The following GPBP1L1 variants were observed in gnomAD, a reference collection of about 807,000 sequenced individuals.
GPBP1L1 encodes the protein GC-rich promoter binding protein 1 like 1.
A neutral mutation model predicts 52.5 loss-of-function variants in GPBP1L1; 23 were observed. The observed-to-expected ratio is 0.44, with a 90% CI of 0.32 to 0.62. The LOEUF is 0.62. Among genes scored for constraint, GPBP1L1 ranks in the 20% least tolerant of loss-of-function variants. The pLI, the probability that GPBP1L1 is intolerant of heterozygous loss-of-function variation, is 0.06. For missense variants in GPBP1L1, 596 were observed against 579.3 expected (o/e 1.03, Z -0.30); for synonymous variants, 243 against 203.1 (o/e 1.20, Z -1.67).
At chr1:45,648,314 ATAGT>A (rs1644777843) in intron 6 of GPBP1L1, among the ~76,000 whole-genome samples, 1 of 152,184 alleles carries the variant, frequency 6.6e-6, no homozygotes, top group Non-Finnish European at 1.5e-5. Context: ...CAATCTTGCT[ATAGT>A]TAAATTCCTT....
In GPBP1L1 at chr1:45,651,693, G is replaced by A. The variant is rs983168368; in HGVS notation, c.477+2850C>T. ...AAGCAGGTGAGGTCTCTTTTGGGCT[G>A]GGTGTCCTGTCCAATGCCAAAATTC... On this transcript the variant is annotated intron_variant, in intron 6 of 12. Coordinates refer to ENST00000355105, the MANE Select transcript of GPBP1L1 (RefSeq NM_021639.5). The A allele has an allele frequency of 4.3e-5, 25 of 586,118 alleles. No individual in the cohort carries two copies. The African/African-American group carries it at 4.8e-4, about 11-fold the overall frequency. The allele number at this position is 586,118 out of a possible 1,614,324, so 36.3% of individuals were successfully genotyped here.
chr1:45,645,768 G>GTTTT, intron 6 of GPBP1L1: 15 of 208,222 alleles, frequency 7.2e-5, no homozygotes, highest in South Asian at 1.4e-4. Context: ...GAAGTTTTTT[G>GTTTT]TTTTTTTTTT....
chr1:45,651,565 G>A, intron 6 of GPBP1L1: 1 of 606,026 alleles, frequency 1.7e-6, no homozygotes, highest in Non-Finnish European at 3.0e-6. Context: ...CTGTTTGGCA[G>A]CGCAAGGCCT....
intron 11 of GPBP1L1, 184 bp from the exon 12 acceptor site, chr1:45,629,862 C>A (rs1043746323): frequency 2.2e-6 from 1 of 462,944 alleles, no homozygotes; most frequent in Non-Finnish European, 4.1e-6. Context: ...TAAATGGAGG[C>A]TCTTCACAGT....
rs60301454 is a variant in GPBP1L1, at chr1:45,672,129, A to G, written c.-1097-10904T>C. Reference sequence around the variant, plus strand: ...TGTAATCCCAGCACTTTGGGAGGCCAAGGCAGGCAAATCACGAGGTCAGGA... The same window carrying G: ...TGTAATCCCAGCACTTTGGGAGGCCGAGGCAGGCAAATCACGAGGTCAGGA... On this transcript the variant is annotated intron_variant, in intron 2 of 12. Transcript: ENST00000355105. Among the ~76,000 whole-genome samples, 1,123 of 152,252 alleles carry G rather than the reference A, an allele frequency of 7.4e-3. 14 individuals carry two copies. Among genetic ancestry groups the G allele is most frequent in the African/African-American group, 0.026 (1,079 of 41,558 alleles).
chr1:45,647,573 A>G (rs1173329355), intron 6 of GPBP1L1, among the ~76,000 whole-genome samples: 4 of 152,150 alleles, frequency 2.6e-5, no homozygotes, highest in African/African-American at 9.7e-5. Context: ...AGCGGAGAAC[A>G]ATGGAGAGAT....
At chr1:45,645,761 GTTT>G (rs200652331) in intron 6 of GPBP1L1, 3 of 304,904 alleles carry the variant, frequency 9.8e-6, no homozygotes, top group Non-Finnish European at 1.8e-5. Context: ...ATATTCCGAA[GTTT>G]TTTGTTTTTT....
chr1:45,684,209 A>T (rs1432984657), intron 2 of GPBP1L1, among the ~76,000 whole-genome samples: 1 of 148,302 alleles, frequency 6.7e-6, no homozygotes, highest in Non-Finnish European at 1.5e-5. Context: ...AGTGAACAGA[A>T]ATCAAGCCAC....
chr1:45,639,761 GTC>G (rs1644646509), intron 8 of GPBP1L1, among the ~76,000 whole-genome samples: 1 of 151,924 alleles, frequency 6.6e-6, no homozygotes, highest in East Asian at 1.9e-4. Context: ...GGCGCCTGTA[GTC>G]CCAGCTACTC....
intron 2 of GPBP1L1, among the ~76,000 whole-genome samples, chr1:45,671,585 G>C (rs1645073988): frequency 6.6e-6 from 1 of 151,776 alleles, no homozygotes; most frequent in African/African-American, 2.4e-5. Context: ...TTGGGAGGCT[G>C]AGGTGGGAGA....
rs763172485 is a variant in GPBP1L1 at position 45,629,684 on chromosome 1, G to A, written c.1170-6C>T. ...AACCCATAGCTTTCAATAACCTGGT[G>A]GACGCAGAAGGACAGGTAAAGAGAA... On this transcript the variant is annotated splice_polypyrimidine_tract_variant and splice_region_variant and intron_variant, in intron 11 of 12. Transcript: ENST00000355105. The A allele has an allele frequency of 6.5e-7, 1 of 1,528,128 alleles. No homozygotes were observed. The highest frequency in any genetic ancestry group is 9.1e-7 in the Non-Finnish European group (1 of 1,101,826). 94.7% of individuals were successfully genotyped at this position (1,528,128 alleles called of 1,614,324 possible).
rs185008324 is a variant in GPBP1L1, at chr1:45,654,666, G to A, written c.354C>T (p.Arg118=). 6.2e-7 allele frequency: 1 copy of A among 1,614,106 alleles called. No individual in the cohort carries two copies. The highest frequency in any genetic ancestry group is 1.3e-5 in the African/African-American group (1 of 75,002). ...GGGAGTGGAAGCTGCCATTCCAATG[G>A]CGATGGTTCCCTGTGCCACCTCCAC... ...QRSGGGTGNH[R]HWNGSFHSRK... The change falls in exon 6 of 13, where the codon CGC becomes CGT. Residue 118 remains arginine, a synonymous_variant. Coordinates refer to ENST00000355105, the MANE Select transcript of GPBP1L1 (RefSeq NM_021639.5).
At chr1:45,671,961 A>C (rs1044878584) in intron 2 of GPBP1L1, among the ~76,000 whole-genome samples, 1 of 152,238 alleles carries the variant, frequency 6.6e-6, no homozygotes, top group Non-Finnish European at 1.5e-5. Context: ...CTTCATAATA[A>C]ATCTTCCAAA....
chr1:45,645,473 A>C (rs951646470), intron 6 of GPBP1L1, among the ~76,000 whole-genome samples: 3 of 152,238 alleles, frequency 2.0e-5, no homozygotes, highest in Non-Finnish European at 2.9e-5. Context: ...TATTATGCAC[A>C]AGTTTCAGAA....
At chr1:45,661,720 TGG>T (rs1644949364) in intron 2 of GPBP1L1, among the ~76,000 whole-genome samples, 1 of 152,176 alleles carries the variant, frequency 6.6e-6, no homozygotes, top group South Asian at 2.1e-4. Context: ...CCCAAAGTGC[TGG>T]GATTACGTGA....
chr1:45,643,454 C>G (rs1294780996), intron 6 of GPBP1L1, among the ~76,000 whole-genome samples: 2 of 152,046 alleles, frequency 1.3e-5, no homozygotes, highest in Admixed American at 6.5e-5. Flanking sequence ...AAGGATGGAT[C>G]TGAGGTATTT....
intron 12 of GPBP1L1, 105 bp downstream of exon 12, chr1:45,629,471 C>CCCCCA (rs374105264): frequency 6.8e-4 from 98 of 144,320 alleles, no homozygotes; most frequent in South Asian, 1.2e-3. Context: ...CCCCCCCACC[C>CCCCCA]GATCTTTCTC....
chr1:45,640,083 C>A, intron 8 of GPBP1L1, 127 bp downstream of exon 8: 1 of 642,622 alleles, frequency 1.6e-6, no homozygotes, highest in South Asian at 2.1e-5. Flanking sequence ...AAGCTGTATA[C>A]ATATAACAGG....
At chr1:45,654,933 CA>C in intron 5 of GPBP1L1, 104 bp from the exon 6 acceptor site, 82 of 1,183,898 alleles carry the variant, frequency 6.9e-5, no homozygotes, top group Non-Finnish European at 8.4e-5. Context: ...AAAGTCCACA[CA>C]AAAAAAATAA....
Sources: gnomAD v4.1 joint callset for allele counts (sites outside exome capture counted in the v4.1 genomes callset) on GRCh38, gnomAD v4.1.1 for gene constraint, MANE v1.5 for transcripts, NCBI Gene and HGNC (gene_info 2026-07-23, HGNC 2026-07-21) for gene names.